Variants in MEX3D observed in about 807,000 individuals in gnomAD.
The protein encoded by MEX3D is mex-3 RNA binding family member D, also known as RNA-binding protein MEX3D.
In MEX3D, 4 loss-of-function variants were observed where a neutral mutation model predicts 6.3. The observed-to-expected ratio is 0.64, with a 90% CI of 0.31 to 1.46. MEX3D has a LOEUF of 1.46. Among genes scored for constraint, MEX3D ranks in the 40% most tolerant of loss-of-function variants. The probability of loss-of-function intolerance (pLI) is 0.07; values close to 1 mark genes in which losing one functional copy is unlikely to be tolerated. For missense variants in MEX3D, 1,038 were observed against 994.4 expected, an observed-to-expected ratio of 1.04 and a Z score of -0.59; for synonymous variants, 626 against 494.1, an observed-to-expected ratio of 1.27 and a Z score of -3.54.
intron 1 of MEX3D, among the ~76,000 whole-genome samples, chr19:1,564,697 G>A (rs1211848990): frequency 6.6e-6 from 1 of 152,098 alleles, no homozygotes; most frequent in Non-Finnish European, 1.5e-5. Flanking sequence ...AGCTACTGGG[G>A]AGAGGGCTGG....
Position 1,555,152 on chromosome 19 carries a change from GAA to G in MEX3D, c.*409_*410del. On this transcript the variant is annotated 3_prime_UTR_variant, in exon 2 of 2. Transcript: ENST00000402693. ...TGTGCGGCCTGAGACCGGCCGGCGA[GAA>G]AAGTCAAATCAGAAAACGGCTTCGG... is the stretch of plus-strand genomic sequence containing the variant. The G allele has an allele frequency of 1.9e-6, 1 of 518,756 alleles. No homozygotes were observed. The highest frequency in any genetic ancestry group is 3.0e-6 in the Non-Finnish European group (1 of 328,412). 32.1% of individuals were successfully genotyped at this position (518,756 alleles called of 1,614,324 possible). A position where few individuals can be genotyped will look rare whatever the true frequency, so the allele number is the denominator to read the frequency against.
In MEX3D at chr19:1,555,814, CGGGGCTGCTGGGCAGCGAGGTGGCCGT is replaced by C. The variant is rs1398232876; in HGVS notation, c.1678_1704del (p.Thr560_Pro568del). ...TCCAGGGGGGCGCAGGCGGCGGCCG[CGGGGCTGCTGGGCAGCGAGGTGGCCGT>C]GGAGAAGGCGGCGCCGCCTGGGAAG... On this transcript the variant is annotated inframe_deletion, in exon 2 of 2. Coordinates refer to ENST00000402693, the MANE Select transcript of MEX3D (RefSeq NM_203304.4). 2.5e-5 allele frequency: 34 copies of C among 1,371,476 alleles called. No individual in the cohort carries two copies. The highest frequency in any genetic ancestry group is 1.1e-4 in the Admixed American group (3 of 26,354). The allele number at this position is 1,371,476 out of a possible 1,614,324, so 85.0% of individuals were successfully genotyped here.
chr19:1,562,341 A>AACT (rs1914740664), intron 1 of MEX3D, among the ~76,000 whole-genome samples: 1 of 150,022 alleles, frequency 6.7e-6, no homozygotes, highest in African/African-American at 2.5e-5. Context: ...ACTGACCAAC[A>AACT]TGGTGAAACC....
chr19:1,566,156 T>G (rs1373992174), intron 1 of MEX3D, among the ~76,000 whole-genome samples: 1 of 152,100 alleles, frequency 6.6e-6, no homozygotes, highest in Non-Finnish European at 1.5e-5. Context: ...TAGGGCGCCC[T>G]CCTGCCAGGG....
At chr19:1,557,030 G>A in intron 1 of MEX3D, 107 bp from the exon 2 acceptor site, 1 of 1,338,714 alleles carries the variant, frequency 7.5e-7, no homozygotes, top group African/African-American at 1.5e-5. Context: ...CTACCTCCCA[G>A]CCTGTGCCCA....
chr19:1,568,283 G>GCGA lies in MEX3D; in HGVS notation c.-228_-226dup, dbSNP rs1331838752. ...CTCTGGCTGCGGCTCGGCGGCGGCG[G>GCGA]CGACGGCGGCGGCGGCTCCTCGGCG... On this transcript the variant is annotated 5_prime_UTR_variant, in exon 1 of 2. Coordinates refer to ENST00000402693, the MANE Select transcript of MEX3D (RefSeq NM_203304.4). Among the ~76,000 whole-genome samples the GCGA allele has an allele frequency of 7.0e-6, 1 of 141,886 alleles. No homozygotes were observed. The highest frequency in any genetic ancestry group is 1.6e-5 in the Non-Finnish European group (1 of 64,146). The allele number at this position is 141,886 out of a possible 152,430, so 93.1% of individuals were successfully genotyped here. A position where few individuals can be genotyped will look rare whatever the true frequency, so the allele number is the denominator to read the frequency against.
rs1402806942 is a variant in MEX3D, at chr19:1,556,035, G to A, written c.1484C>T (p.Pro495Leu). Reference protein sequence around the residue: ...FSGCSTVNGAPGPPAAGARRS... With the variant: ...FSGCSTVNGALGPPAAGARRS... Reference sequence around the variant, plus strand: ...CCGGGCGCCGGCGGCGGGAGGTCCCGGGGCTCCGTTGACCGTGGAGCAGCC... The same window carrying A: ...CCGGGCGCCGGCGGCGGGAGGTCCCAGGGCTCCGTTGACCGTGGAGCAGCC... Residue 495 changes from proline (P) to leucine (L), a missense_variant, in exon 2 of 2, where the codon CCG (proline) becomes CTG (leucine). Transcript: ENST00000402693. The surrounding 1 kb of genome is among the most constrained non-coding windows in gnomAD (Gnocchi z 7.5). The A allele has an allele frequency of 1.2e-5, 16 of 1,302,848 alleles. No homozygotes were observed. In the East Asian group the frequency reaches 3.0e-4, roughly 24 times the overall value. The allele number at this position is 1,302,848 out of a possible 1,614,324, so 80.7% of individuals were successfully genotyped here. A position where few individuals can be genotyped will look rare whatever the true frequency, so the allele number is the denominator to read the frequency against.
intron 1 of MEX3D, among the ~76,000 whole-genome samples, chr19:1,565,160 A>C (rs1914808682): frequency 6.6e-6 from 1 of 152,122 alleles, no homozygotes; most frequent in African/African-American, 2.4e-5. Context: ...TGGGTGGCTG[A>C]GGATCGCTTG....
In MEX3D at chr19:1,555,464, C is replaced by T. The variant is rs1173810009; in HGVS notation, c.*99G>A. 4.1e-6 allele frequency: 6 copies of T among 1,468,934 alleles called. No homozygotes were observed. The highest frequency in any genetic ancestry group is 1.4e-5 in the African/African-American group (1 of 70,554). The allele number at this position is 1,468,934 out of a possible 1,614,324, so 91.0% of individuals were successfully genotyped here. On this transcript the variant is annotated 3_prime_UTR_variant, in exon 2 of 2. Transcript: ENST00000402693. ...CCCTGCCCCCTCGGCCTCCGCCCCT[C>T]GCCCCCTCCCCGTCCCTCTCCCACC...
rs1914523603 is a variant in MEX3D, at chr19:1,555,822, C to G, written c.1697G>C (p.Ser566Thr). Residue 566 changes from serine to threonine, a missense_variant, in exon 2 of 2, where the codon AGC becomes ACC. Ser to Thr is a moderately conservative substitution (Grantham distance 58). Around this residue, in one of 5 missense-constraint regions of MEX3D, gnomAD observed 581 missense variants for 516.2 expected, o/e 1.13. Transcript: ENST00000402693. ...AAFSTATSLP[S>T]SPAAAACAPL... is the part of the protein sequence containing the mutation. The stretch of plus-strand genomic sequence containing the variant: ...GGCGCAGGCGGCGGCCGCGGGGCTG[C>G]TGGGCAGCGAGGTGGCCGTGGAGAA... 4 of 1,364,122 alleles carry G rather than the reference C, an allele frequency of 2.9e-6. No homozygotes were observed. In the Admixed American group the frequency reaches 1.6e-4, roughly 53 times the overall value. 84.5% of individuals were successfully genotyped at this position (1,364,122 alleles called of 1,614,324 possible).
intron 1 of MEX3D, among the ~76,000 whole-genome samples, chr19:1,558,049 C>CAAAA (rs35362564): frequency 1.2e-5 from 1 of 83,880 alleles, no homozygotes; most frequent in Non-Finnish European, 2.2e-5. Context: ...GACTCCATTT[C>CAAAA]AAAAAAAAAA....
At chr19:1,560,465 CT>C (rs1914689569) in intron 1 of MEX3D, among the ~76,000 whole-genome samples, 1 of 152,242 alleles carries the variant, frequency 6.6e-6, no homozygotes, top group African/African-American at 2.4e-5. Context: ...TCCTCCCTTG[CT>C]GATCTGGGAG....
chr19:1,566,306 A>C (rs1365268217), intron 1 of MEX3D, among the ~76,000 whole-genome samples: 1 of 152,128 alleles, frequency 6.6e-6, no homozygotes, highest in Admixed American at 6.5e-5. Context: ...TGAACGACCA[A>C]AAGACAGGAG....
chr19:1,555,587 G>C lies in MEX3D; in HGVS notation c.1932C>G (p.Thr644=). The change falls in exon 2 of 2, where the codon ACC becomes ACG. Residue 644 remains threonine, a synonymous_variant. Coordinates refer to ENST00000402693, the MANE Select transcript of MEX3D (RefSeq NM_203304.4). ...PECPACRTPA[T]QAIHIFS The stretch of plus-strand genomic sequence containing the variant: ...TCTAGGAAAAGATATGAATGGCCTG[G>C]GTGGCCGGCGTGCGGCAGGCGGGAC... 6.3e-7 allele frequency: 1 copy of C among 1,589,202 alleles called. No homozygotes were observed. The highest frequency in any genetic ancestry group is 8.5e-7 in the Non-Finnish European group (1 of 1,169,888).
chr19:1,564,636 A>T (rs1914795411), intron 1 of MEX3D, among the ~76,000 whole-genome samples: 1 of 151,880 alleles, frequency 6.6e-6, no homozygotes. Context: ...CCCAGAAAGC[A>T]CTCGGACCCC....
At chr19:1,561,275 G>C (rs1408921024) in intron 1 of MEX3D, among the ~76,000 whole-genome samples, 2 of 152,202 alleles carry the variant, frequency 1.3e-5, no homozygotes, top group Non-Finnish European at 2.9e-5. Context: ...GCCCAGGCTG[G>C]ATGGGTTTGC....
At chr19:1,558,395 C>T (rs1461249429) in intron 1 of MEX3D, among the ~76,000 whole-genome samples, 1 of 151,504 alleles carries the variant, frequency 6.6e-6, no homozygotes, top group African/African-American at 2.4e-5. Flanking sequence ...AAAAAAGACA[C>T]ACACACACAG....
At chr19:1,562,911 G>A (rs1368566866) in intron 1 of MEX3D, among the ~76,000 whole-genome samples, 5 of 152,074 alleles carry the variant, frequency 3.3e-5, no homozygotes, top group African/African-American at 7.2e-5. Context: ...CCAGCTACTC[G>A]GGAGGCTGAG....
intron 1 of MEX3D, among the ~76,000 whole-genome samples, chr19:1,562,269 A>AG (rs1914737877): frequency 7.3e-6 from 1 of 137,350 alleles, no homozygotes; most frequent in Admixed American, 7.3e-5. Context: ...TCAAAAAAAA[A>AG]AAAAAATTAG....
Sources: gnomAD v4.1 joint callset for allele counts (sites outside exome capture counted in the v4.1 genomes callset) on GRCh38, gnomAD v4.1.1 for gene constraint, gnomAD v4.1.1 regional missense constraint, Gnocchi (gnomAD v3.1) non-coding constraint, MANE v1.5 for transcripts, NCBI Gene and HGNC (gene_info 2026-07-23, HGNC 2026-07-21) for gene names.